Variants in MIOS observed in about 807,000 individuals in gnomAD.
MIOS encodes meiosis regulator for oocyte development, also known as GATOR2 complex protein MIOS.
A neutral mutation model predicts 96.9 loss-of-function variants in MIOS; 52 were observed. The observed-to-expected ratio is 0.54, with a 90% CI of 0.43 to 0.68. The LOEUF (loss-of-function observed/expected upper bound fraction) is 0.68. Among genes scored for constraint, MIOS ranks in the 30% least tolerant of loss-of-function variants. MIOS has a pLI of 0.00. For missense variants in MIOS, 1,005 were observed against 1,052.8 expected (o/e 0.95, Z 0.63); for synonymous variants, 397 against 359.5 (o/e 1.10, Z -1.18).
At chr7:7,606,954 T>C (rs759711129) in intron 12 of MIOS, 42 bp from the exon 13 acceptor site, 2 of 1,363,112 alleles carry the variant, frequency 1.5e-6, no homozygotes, top group South Asian at 2.4e-5. Context: ...TGTATGTCTG[T>C]CTAATTTGGA....
At chr7:7,576,127 GTA>G (rs940808631) in intron 5 of MIOS, among the ~76,000 whole-genome samples, 2 of 152,108 alleles carry the variant, frequency 1.3e-5, no homozygotes, top group African/African-American at 4.8e-5. Flanking sequence ...GTAACAAATA[GTA>G]TATATATAAG....
chr7:7,593,443 C>T (rs534934934), intron 9 of MIOS, among the ~76,000 whole-genome samples: 2 of 152,112 alleles, frequency 1.3e-5, no homozygotes, highest in African/African-American at 4.8e-5. Flanking sequence ...GCCAGGTTCT[C>T]TCTGAAATTT....
intron 11 of MIOS, among the ~76,000 whole-genome samples, chr7:7,601,157 A>G (rs1336109719): frequency 1.3e-5 from 2 of 152,208 alleles, no homozygotes; most frequent in Non-Finnish European, 2.9e-5. Context: ...AATTGAAAGA[A>G]CTAGAGAAGC....
At chr7:7,599,411 T>TTA (rs1324309616) in intron 11 of MIOS, among the ~76,000 whole-genome samples, 4 of 152,172 alleles carry the variant, frequency 2.6e-5, no homozygotes, top group Non-Finnish European at 5.9e-5. Flanking sequence ...ATTAGGACTA[T>TTA]TATATAAGGA....
chr7:7,585,446 A>G (rs1783859682), intron 6 of MIOS, among the ~76,000 whole-genome samples, 190 bp from the exon 7 acceptor site: 2 of 147,122 alleles, frequency 1.4e-5, no homozygotes, highest in African/African-American at 5.0e-5. Context: ...GTAAAGTGCA[A>G]CTTTATTAAG....
chr7:7,582,926 C>G (rs974924951), intron 5 of MIOS, 192 bp from the exon 6 acceptor site: 10 of 618,454 alleles, frequency 1.6e-5, no homozygotes, highest in African/African-American at 1.3e-4. Flanking sequence ...TCTTTGCTAA[C>G]TCAAGGAGCT....
chr7:7,572,601 T>G lies in MIOS; in HGVS notation c.126T>G (p.Ser42=), dbSNP rs759771661. 12 of 1,613,992 alleles carry G rather than the reference T, an allele frequency of 7.4e-6. No homozygotes were observed. The highest frequency in any genetic ancestry group is 1.0e-5 in the Non-Finnish European group (12 of 1,180,010). Residue 42 remains serine, a synonymous_variant, in exon 4 of 13, where the codon TCT becomes TCG. Coordinates refer to ENST00000340080, the MANE Select transcript of MIOS (RefSeq NM_019005.4). The surrounding 1 kb of genome is among the most constrained non-coding windows in gnomAD (Gnocchi z 4.8). ...TGAATTCAGAACTCAAAGCTGGATC[T>G]TTACGTTTATCTGAAGACTCTGCAG... is the stretch of plus-strand genomic sequence containing the variant. The part of the protein sequence containing the change: ...STVNSELKAG[S]LRLSEDSAAT...
chr7:7,593,559 G>A (rs1243012096), intron 9 of MIOS, among the ~76,000 whole-genome samples: 4 of 151,906 alleles, frequency 2.6e-5, no homozygotes, highest in Non-Finnish European at 5.9e-5. Context: ...ATTATGTAAA[G>A]TTAAGGAAGA....
chr7:7,593,897 A>AAAG (rs1554301459), intron 9 of MIOS, among the ~76,000 whole-genome samples: 3 of 92,922 alleles, frequency 3.2e-5, no homozygotes, highest in Admixed American at 9.5e-5. Flanking sequence ...AAAAAAAAAG[A>AAAG]AAAAGAAAAG....
Position 7,574,118 on chromosome 7 carries a change from G to T in MIOS, c.1315G>T (p.Asp439Tyr). The change falls in exon 5 of 13, where the codon GAT becomes TAT. Residue 439 changes from aspartate to tyrosine, a missense_variant. Physicochemically the swap from Asp to Tyr is radical, Grantham distance 160. Around this residue, in one of 3 missense-constraint regions of MIOS, gnomAD observed 865 missense variants for 887.9 expected, o/e 0.97. Transcript: ENST00000340080. ...TLHFMKQYTEDMDQKSPGNKG... is the reference protein window; with the variant it reads ...TLHFMKQYTEYMDQKSPGNKG... ...AATACTTATGAAGCAATACACAGAA[G>T]ATATGGATCAGAAATCTCCAGGCAA... 6.2e-7 allele frequency: 1 copy of T among 1,609,590 alleles called. No individual in the cohort carries two copies. Among genetic ancestry groups the T allele is most frequent in the Non-Finnish European group, 8.5e-7 (1 of 1,177,160 alleles).
chr7:7,568,913 A>G (rs2115327243), intron 3 of MIOS, among the ~76,000 whole-genome samples: 1 of 152,328 alleles, frequency 6.6e-6, no homozygotes, highest in East Asian at 1.9e-4. Context: ...AGAAATGCTG[A>G]TATTCTCCGT....
Position 7,573,832 on chromosome 7 carries a change from A to G in MIOS, c.1294+63A>G. ...GTAGAAATGTTCTTGAAGTTTGCCA[A>G]AAGGTCAGTCTGTAAATATGCTCAA... On this transcript the variant is annotated intron_variant, in intron 4 of 12. Coordinates refer to ENST00000340080, the MANE Select transcript of MIOS (RefSeq NM_019005.4). The surrounding 1 kb of genome is among the most constrained non-coding windows in gnomAD (Gnocchi z 5.0). 3 of 1,425,188 alleles carry G rather than the reference A, an allele frequency of 2.1e-6. No individual in the cohort carries two copies. The highest frequency in any genetic ancestry group is 2.8e-6 in the Non-Finnish European group (3 of 1,053,186). 88.3% of individuals were successfully genotyped at this position (1,425,188 alleles called of 1,614,324 possible).
At position 7,585,819 on chromosome 7, in the gene MIOS, T is replaced by G; in HGVS notation, c.1818+14T>G. The G allele has an allele frequency of 6.3e-7, 1 of 1,583,216 alleles. No individual in the cohort carries two copies. Among genetic ancestry groups the G allele is most frequent in the South Asian group, 1.2e-5 (1 of 85,328 alleles). On this transcript the variant is annotated intron_variant, in intron 7 of 12. Transcript: ENST00000340080. ...GATGGAGTTTTGGTAAGCTAACTTG[T>G]TTTTTAAGATCTTCCTTTGAATTAA...
rs758384689 is a variant in MIOS at position 7,573,813 on chromosome 7, A to G, written c.1294+44A>G. ...ATTTTGTGAGGTGAATCAGGTAGAA[A>G]TGTTCTTGAAGTTTGCCAAAAGGTC... On this transcript the variant is annotated intron_variant, in intron 4 of 12. Transcript: ENST00000340080. The surrounding 1 kb of genome is among the most constrained non-coding windows in gnomAD (Gnocchi z 5.0). 1.3e-6 allele frequency: 2 copies of G among 1,516,696 alleles called. No homozygotes were observed. Among genetic ancestry groups the G allele is most frequent in the South Asian group, 1.3e-5 (1 of 75,324 alleles). The allele number at this position is 1,516,696 out of a possible 1,614,324, so 94.0% of individuals were successfully genotyped here. A position where few individuals can be genotyped will look rare whatever the true frequency, so the allele number is the denominator to read the frequency against.
intron 11 of MIOS, among the ~76,000 whole-genome samples, chr7:7,602,875 T>C (rs1029791187): frequency 3.9e-5 from 6 of 152,030 alleles, no homozygotes; most frequent in Non-Finnish European, 8.8e-5. Context: ...AACAGAGATA[T>C]AGACCAATGG....
Position 7,607,909 on chromosome 7 carries a change from A to G in MIOS, c.*817A>G, listed in dbSNP as rs1422762389. 6.6e-6 allele frequency: 1 copy of G among 152,096 alleles called. No individual in the cohort carries two copies. The highest frequency in any genetic ancestry group is 1.5e-5 in the Non-Finnish European group (1 of 68,008). The allele number at this position is 152,096 out of a possible 1,614,324, so 9.4% of individuals were successfully genotyped here. On this transcript the variant is annotated 3_prime_UTR_variant, in exon 13 of 13. Transcript: ENST00000340080. ...AGGTTTTTCTCCATATTAATTTGTC[A>G]TCTTATCCTCATCACCTGAGAACAT...
At chr7:7,581,127 G>A (rs1309194618) in intron 5 of MIOS, among the ~76,000 whole-genome samples, 2 of 150,154 alleles carry the variant, frequency 1.3e-5, no homozygotes, top group Non-Finnish European at 3.0e-5. Flanking sequence ...TTCGAGAACA[G>A]CCCGGCCAAC....
At position 7,589,262 on chromosome 7, in the gene MIOS, C is replaced by T. The variant is rs1783979082; in HGVS notation, c.1885-143C>T. 7 of 666,632 alleles carry T rather than the reference C, an allele frequency of 1.1e-5. No individual in the cohort carries two copies. The South Asian group carries it at 1.9e-4, about 18-fold the overall frequency. 41.3% of individuals were successfully genotyped at this position (666,632 alleles called of 1,614,324 possible). ...TGAAATTTGTAATAGATGCAGACTT[C>T]TTAGTTAAATATTTATATTTTAGTA... On this transcript the variant is annotated intron_variant, in intron 8 of 12. Coordinates refer to ENST00000340080, the MANE Select transcript of MIOS (RefSeq NM_019005.4).
chr7:7,583,804 A>T (rs755010282), intron 6 of MIOS, among the ~76,000 whole-genome samples: 2 of 152,182 alleles, frequency 1.3e-5, no homozygotes, highest in African/African-American at 4.8e-5. Context: ...ACTCTGAATG[A>T]CACTTTTATT....
Sources: gnomAD v4.1 joint callset for allele counts (sites outside exome capture counted in the v4.1 genomes callset) on GRCh38, gnomAD v4.1.1 for gene constraint, gnomAD v4.1.1 regional missense constraint, Gnocchi (gnomAD v3.1) non-coding constraint, MANE v1.5 for transcripts, NCBI Gene and HGNC (gene_info 2026-07-23, HGNC 2026-07-21) for gene names.